Variants in KRCC1 observed in about 807,000 individuals in gnomAD.
The protein encoded by KRCC1 is lysine-rich coiled-coil protein 1.
KRCC1 carries 3 observed loss-of-function variants against 7.4 expected under a neutral mutation model. The ratio of observed to expected loss-of-function variants is 0.40; its 90% CI spans 0.18 to 1.04. KRCC1 has a LOEUF of 1.04. Among genes scored for constraint, KRCC1 ranks in the 50% least tolerant of loss-of-function variants. The pLI, the probability that KRCC1 is intolerant of heterozygous loss-of-function variation, is 0.33. For synonymous variants in KRCC1, 102 were observed against 101.6 expected (o/e 1.00, Z -0.02); for missense variants, 277 against 300.9 (o/e 0.92, Z 0.59).
chr2:88,049,404 T>C (rs1296644938), intron 1 of KRCC1, among the ~76,000 whole-genome samples: 1 of 152,106 alleles, frequency 6.6e-6, no homozygotes, highest in Non-Finnish European at 1.5e-5. Context: ...CTTACGTCCT[T>C]GGGAAGCTGA....
intron 3 of KRCC1, among the ~76,000 whole-genome samples, chr2:88,029,278 T>C (rs1022755423): frequency 6.6e-6 from 1 of 152,210 alleles, no homozygotes; most frequent in African/African-American, 2.4e-5. Flanking sequence ...TTCCTGTATA[T>C]TAGTTTCTAA....
intron 1 of KRCC1, among the ~76,000 whole-genome samples, chr2:88,041,756 GT>G (rs1237990748): frequency 6.6e-6 from 1 of 152,124 alleles, no homozygotes; most frequent in Non-Finnish European, 1.5e-5. Flanking sequence ...CATTACAAAG[GT>G]TGCAGCATTA....
In KRCC1 at chr2:88,051,119, T is replaced by A. The variant is rs1464033034; in HGVS notation, c.-291+4507A>T. 7.3e-5 allele frequency among the ~76,000 whole-genome samples: 11 copies of A among 150,620 alleles called. No homozygotes were observed. The Admixed American group carries it at 7.3e-4, about 10-fold the overall frequency. ...TTATTTTTTTTTTTTGTAGACAGGG[T>A]CTCACTATTTTGCCCAAGCTGATTT... On this transcript the variant is annotated intron_variant, in intron 1 of 3. Transcript: ENST00000347055.
chr2:88,042,161 C>A (rs550812571), intron 1 of KRCC1, among the ~76,000 whole-genome samples: 1 of 151,152 alleles, frequency 6.6e-6, no homozygotes, highest in East Asian at 2.0e-4. Context: ...CCCAGGTTCA[C>A]GCCATTCTCC....
At chr2:88,037,360 G>A (rs897215293) in intron 1 of KRCC1, among the ~76,000 whole-genome samples, 2 of 152,142 alleles carry the variant, frequency 1.3e-5, no homozygotes, top group African/African-American at 4.8e-5. Context: ...ATGTTTTAAA[G>A]CTAACAATCT....
At chr2:88,050,085 T>C (rs1305174369) in intron 1 of KRCC1, among the ~76,000 whole-genome samples, 1 of 152,224 alleles carries the variant, frequency 6.6e-6, no homozygotes, top group Non-Finnish European at 1.5e-5. Context: ...TTCATCTGTA[T>C]ACCCTTAGTA....
At chr2:88,028,646 T>A in intron 3 of KRCC1, 61 bp from the exon 4 acceptor site, 3 of 664,314 alleles carry the variant, frequency 4.5e-6, no homozygotes, top group African/African-American at 2.1e-5. Context: ...CCTTTGCTCT[T>A]TTTTTTTTTT....
intron 1 of KRCC1, among the ~76,000 whole-genome samples, chr2:88,055,323 G>GCTCCGGGTCTAGATTTC (rs549940494): frequency 7.9e-5 from 12 of 151,790 alleles, no homozygotes; most frequent in Non-Finnish European, 1.5e-4. Context: ...TTTCCCTGAC[G>GCTCCGGGTCTAGATTTC]CTCCGGGTCT....
At chr2:88,040,638 T>G (rs903514242) in intron 1 of KRCC1, among the ~76,000 whole-genome samples, 1 of 152,246 alleles carries the variant, frequency 6.6e-6, no homozygotes, top group Non-Finnish European at 1.5e-5. Flanking sequence ...TATTAAACCT[T>G]GGTTTATCTC....
At position 88,028,136 on chromosome 2, in the gene KRCC1, T is replaced by C; in HGVS notation, c.428A>G (p.Asp143Gly). The C allele has an allele frequency of 1.2e-6, 2 of 1,614,186 alleles. No homozygotes were observed. Among genetic ancestry groups the C allele is most frequent in the Non-Finnish European group, 8.5e-7 (1 of 1,180,032 alleles). Residue 143 changes from aspartate (D) to glycine (G), a missense_variant, in exon 4 of 4, where the codon GAT (aspartate) becomes GGT (glycine). Asp to Gly is a moderately conservative substitution (Grantham distance 94). Coordinates refer to ENST00000347055, the MANE Select transcript of KRCC1 (RefSeq NM_016618.3). ...GGCTTGATGAGTACTGGTACTGTTA[T>C]CTGAGGAGAAGTGCTTGTAAACTCT... ...EHRVYKHFSS[D>G]NSTSTHQASH...
At chr2:88,055,526 G>A (rs1411524608) in intron 1 of KRCC1, 100 bp downstream of exon 1, 2 of 152,074 alleles carry the variant, frequency 1.3e-5, no homozygotes, top group Middle Eastern at 6.8e-3. Flanking sequence ...TCGCACACTC[G>A]GGGCGCGCCC....
chr2:88,032,077 G>A (rs535266091), intron 3 of KRCC1, among the ~76,000 whole-genome samples: 55 of 152,040 alleles, frequency 3.6e-4, no homozygotes, highest in Non-Finnish European at 6.9e-4. Flanking sequence ...GGGAGGCGGA[G>A]GGTGCAATAA....
At chr2:88,050,585 T>C (rs1468850849) in intron 1 of KRCC1, among the ~76,000 whole-genome samples, 1 of 152,116 alleles carries the variant, frequency 6.6e-6, no homozygotes, top group Non-Finnish European at 1.5e-5. Context: ...ATTGTACCAC[T>C]GCACTCTAGC....
At chr2:88,051,396 CATG>C (rs144613534) in intron 1 of KRCC1, among the ~76,000 whole-genome samples, 25,849 of 152,100 alleles carry the variant, frequency 0.17, 2,637 homozygotes, top group Non-Finnish European at 0.23. Context: ...TAACTGGAAA[CATG>C]ACAATTCTTT....
intron 1 of KRCC1, among the ~76,000 whole-genome samples, chr2:88,037,424 G>A (rs1181061402): frequency 5.3e-5 from 8 of 152,068 alleles, no homozygotes; most frequent in Admixed American, 4.6e-4. Context: ...CATCACCAAT[G>A]TCATCTGAGA....
chr2:88,043,350 G>A (rs1474565061), intron 1 of KRCC1, among the ~76,000 whole-genome samples: 2 of 152,132 alleles, frequency 1.3e-5, no homozygotes, highest in African/African-American at 2.4e-5. Flanking sequence ...CATATAAAAA[G>A]TCATTATTTA....
intron 1 of KRCC1, among the ~76,000 whole-genome samples, chr2:88,047,584 G>A (rs1166965981): frequency 4.6e-5 from 7 of 152,072 alleles, no homozygotes; most frequent in African/African-American, 7.2e-5. Flanking sequence ...GCTAGAGTGC[G>A]GTGGCGTGAT....
chr2:88,050,528 C>A lies in KRCC1; in HGVS notation c.-291+5098G>T, dbSNP rs1466610219. 2.0e-5 allele frequency among the ~76,000 whole-genome samples: 3 copies of A among 152,110 alleles called. No individual in the cohort carries two copies. The East Asian group carries it at 5.8e-4, about 29-fold the overall frequency. On this transcript the variant is annotated intron_variant, in intron 1 of 3. Coordinates refer to ENST00000347055, the MANE Select transcript of KRCC1 (RefSeq NM_016618.3). ...ATCCCAGCTACGTGGGAGGCAGAGG[C>A]AAGAGAATCACTTGAACCAGGGAGG...
intron 1 of KRCC1, among the ~76,000 whole-genome samples, chr2:88,046,046 G>T (rs1217036578): frequency 6.6e-6 from 1 of 152,158 alleles, no homozygotes; most frequent in Non-Finnish European, 1.5e-5. Context: ...AGTAACTAAA[G>T]GAGTTTAAAC....
Sources: gnomAD v4.1 joint callset for allele counts (sites outside exome capture counted in the v4.1 genomes callset) on GRCh38, gnomAD v4.1.1 for gene constraint, MANE v1.5 for transcripts, NCBI Gene and HGNC (gene_info 2026-07-23, HGNC 2026-07-21) for gene names.